OTUD7A: variants seen among roughly 807,000 people sequenced by gnomAD.
OTUD7A encodes OTU deubiquitinase 7A, also known as OTU domain-containing protein 7A.
In OTUD7A, 12 loss-of-function variants were observed where a neutral mutation model predicts 65.7. That is an observed-to-expected ratio of 0.18 (90% confidence interval 0.12 to 0.30). The LOEUF (loss-of-function observed/expected upper bound fraction) is 0.30. OTUD7A is among the 10% of genes least tolerant of loss of function. The probability of loss-of-function intolerance (pLI) is 1.00; values close to 1 mark genes in which losing one functional copy is unlikely to be tolerated. For missense variants in OTUD7A, 1,148 were observed against 1,304.8 expected (o/e 0.88, Z 1.85); for synonymous variants, 641 against 586.3 (o/e 1.09, Z -1.35).
chr15:31,812,795 A>G (rs562610573), intron 1 of OTUD7A, among the ~76,000 whole-genome samples: 10 of 152,256 alleles, frequency 6.6e-5, no homozygotes, highest in Non-Finnish European at 7.4e-5. Context: ...TCCATCCACC[A>G]TGTGAGGAGC....
chr15:31,865,703 C>A (rs981867832), intron 1 of OTUD7A, among the ~76,000 whole-genome samples: 1 of 152,190 alleles, frequency 6.6e-6, no homozygotes, highest in African/African-American at 2.4e-5. Context: ...GCAGCCACCT[C>A]CTCTTGAGTG....
At chr15:31,627,656 G>GAATC (rs1472718044) in intron 3 of OTUD7A, among the ~76,000 whole-genome samples, 1 of 152,142 alleles carries the variant, frequency 6.6e-6, no homozygotes, top group Non-Finnish European at 1.5e-5. Context: ...GATCCCTGAG[G>GAATC]AATCGCCACA....
chr15:31,633,990 C>A (rs73374599), intron 3 of OTUD7A, among the ~76,000 whole-genome samples: 4,486 of 152,278 alleles, frequency 0.029, 219 homozygotes, highest in African/African-American at 0.1. Context: ...AACCTAACTT[C>A]TTTCCAAATT....
At chr15:31,844,079 CA>C (rs1173564604) in intron 1 of OTUD7A, among the ~76,000 whole-genome samples, 1 of 152,238 alleles carries the variant, frequency 6.6e-6, no homozygotes, top group Non-Finnish European at 1.5e-5. Context: ...ATTTGAAAAT[CA>C]GGGGGAAAGA....
intron 3 of OTUD7A, among the ~76,000 whole-genome samples, chr15:31,638,723 C>G (rs1206036023): frequency 1.3e-5 from 2 of 151,896 alleles, no homozygotes; most frequent in South Asian, 4.2e-4. Flanking sequence ...ACTAGAAAAC[C>G]AAAAAATTCA....
At chr15:31,638,561 TG>T (rs1216938175) in intron 3 of OTUD7A, among the ~76,000 whole-genome samples, 49 of 142,554 alleles carry the variant, frequency 3.4e-4, no homozygotes, top group South Asian at 6.6e-4. Context: ...TGTAGGTTTT[TG>T]TTTTTTTTTT....
intron 3 of OTUD7A, among the ~76,000 whole-genome samples, chr15:31,639,345 A>T (rs1039842165): frequency 1.3e-5 from 2 of 149,980 alleles, no homozygotes; most frequent in African/African-American, 5.0e-5. Context: ...TCAATAATTC[A>T]CTCCTTTGGA....
intron 1 of OTUD7A, among the ~76,000 whole-genome samples, chr15:31,793,871 T>C (rs948712613): frequency 2.0e-5 from 3 of 152,256 alleles, no homozygotes; most frequent in East Asian, 1.9e-4. Context: ...TTGTACATCA[T>C]GCCTTGGTAT....
chr15:31,551,436 G>T (rs908989588), intron 5 of OTUD7A, among the ~76,000 whole-genome samples: 4 of 152,188 alleles, frequency 2.6e-5, no homozygotes, highest in African/African-American at 9.7e-5. Context: ...TTGAAAACTT[G>T]AGGTTCTGCA....
At chr15:31,497,130 G>T (rs1464101917) in intron 10 of OTUD7A, among the ~76,000 whole-genome samples, 1 of 152,216 alleles carries the variant, frequency 6.6e-6, no homozygotes, top group Admixed American at 6.5e-5. Context: ...ACCCTTGGGG[G>T]AAGGCACTGA....
At chr15:31,825,958 G>A (rs1739426240) in intron 1 of OTUD7A, among the ~76,000 whole-genome samples, 1 of 152,202 alleles carries the variant, frequency 6.6e-6, no homozygotes, top group Non-Finnish European at 1.5e-5. Flanking sequence ...GGTTCCCATG[G>A]TCTTGGGCAG....
intron 1 of OTUD7A, among the ~76,000 whole-genome samples, chr15:31,758,920 T>C (rs1276330348): frequency 2.0e-5 from 3 of 152,338 alleles, no homozygotes; most frequent in East Asian, 3.9e-4. Context: ...TTGATTTTGA[T>C]GTCTGGGATG....
intron 1 of OTUD7A, among the ~76,000 whole-genome samples, chr15:31,684,384 T>C (rs934183525): frequency 6.6e-6 from 1 of 152,074 alleles, no homozygotes; most frequent in Non-Finnish European, 1.5e-5. Context: ...CAGTTACCTA[T>C]TGCTGTGAAA....
At chr15:31,753,365 T>C (rs1485749808) in intron 1 of OTUD7A, among the ~76,000 whole-genome samples, 2 of 152,070 alleles carry the variant, frequency 1.3e-5, no homozygotes, top group African/African-American at 4.8e-5. Context: ...AGTAAGTTCC[T>C]TAGTGGTGAC....
intron 1 of OTUD7A, among the ~76,000 whole-genome samples, chr15:31,726,001 A>G (rs1456094120): frequency 6.6e-6 from 1 of 151,888 alleles, no homozygotes; most frequent in African/African-American, 2.4e-5. Context: ...CTCTATATTG[A>G]TGACTCTCAG....
chr15:31,597,718 A>C (rs1595641119), intron 3 of OTUD7A, among the ~76,000 whole-genome samples: 1 of 151,996 alleles, frequency 6.6e-6, no homozygotes, highest in Non-Finnish European at 1.5e-5. Context: ...GTACAACCCC[A>C]ATCAGCTTCC....
intron 3 of OTUD7A, among the ~76,000 whole-genome samples, chr15:31,596,395 T>C (rs1238933591): frequency 1.3e-5 from 2 of 152,220 alleles, no homozygotes; most frequent in East Asian, 3.8e-4. Flanking sequence ...CGCTGAGGGA[T>C]ATGTGCGTTA....
intron 8 of OTUD7A, among the ~76,000 whole-genome samples, chr15:31,517,341 C>T (rs2041873466): frequency 6.6e-6 from 1 of 152,160 alleles, no homozygotes; most frequent in South Asian, 2.1e-4. Context: ...CACTCTGTGA[C>T]CAGAGCCCAT....
chr15:31,526,487 G>C (rs373124848), intron 7 of OTUD7A, 26 bp from the exon 8 acceptor site: 132 of 1,526,504 alleles, frequency 8.6e-5, no homozygotes, highest in Non-Finnish European at 1.1e-4. Context: ...CGGCTCAGAA[G>C]GGGGGTGGGC....
Sources: allele counts gnomAD v4.1 joint callset (sites outside exome capture counted in the v4.1 genomes callset), GRCh38; gene constraint gnomAD v4.1.1; transcripts MANE v1.5; gene names NCBI Gene and HGNC (gene_info 2026-07-23, HGNC 2026-07-21).